Variants in TRAPPC9 observed in about 807,000 individuals in gnomAD.
TRAPPC9 encodes IKK2 binding protein.
A neutral mutation model predicts 124.0 loss-of-function variants in TRAPPC9; 83 were observed. That is an observed-to-expected ratio of 0.67 (90% CI 0.56 to 0.80). The LOEUF (loss-of-function observed/expected upper bound fraction) is 0.80. Among genes scored for constraint, TRAPPC9 ranks in the 30% least tolerant of loss-of-function variants. The pLI, the probability that TRAPPC9 is intolerant of heterozygous loss-of-function variation, is 0.00. For missense variants in TRAPPC9, 1,302 were observed against 1,508.3 expected (o/e 0.86, Z 2.27); for synonymous variants, 638 against 617.5 (o/e 1.03, Z -0.49).
chr8:139,887,441 C>A (rs1830085014), intron 20 of TRAPPC9, among the ~76,000 whole-genome samples: 1 of 152,124 alleles, frequency 6.6e-6, no homozygotes. Context: ...CCAGGCTGGT[C>A]TTGAACTCCT....
intron 8 of TRAPPC9, among the ~76,000 whole-genome samples, chr8:140,362,874 A>G (rs140209894): frequency 0.023 from 3,531 of 152,312 alleles, 61 homozygotes; most frequent in Non-Finnish European, 0.038. Flanking sequence ...AAAAATAGAT[A>G]ATGATCCAGT....
At chr8:140,006,092 T>C (rs1233518088) in intron 18 of TRAPPC9, among the ~76,000 whole-genome samples, 1 of 152,100 alleles carries the variant, frequency 6.6e-6, no homozygotes, top group Non-Finnish European at 1.5e-5. Context: ...GGGACAAAGG[T>C]GACAAGCCTG....
chr8:140,358,651 A>T (rs988780529), intron 9 of TRAPPC9, among the ~76,000 whole-genome samples: 5 of 152,228 alleles, frequency 3.3e-5, no homozygotes, highest in Admixed American at 3.3e-4. Flanking sequence ...TGCTTTTAGA[A>T]ATGTGAAAAC....
Position 139,976,277 on chromosome 8 carries a change from A to C in TRAPPC9, c.2810+12449T>G, listed in dbSNP as rs187670628. 3.8e-3 allele frequency among the ~76,000 whole-genome samples: 585 copies of C among 152,290 alleles called. 5 individuals carry two copies. Among genetic ancestry groups the C allele is most frequent in the African/African-American group, 0.013 (528 of 41,562 alleles). ...CTTTCACCTCACACCCGACACAAAA[A>C]ATTAGCTCAAAAGGATTATGGACAT... On this transcript the variant is annotated intron_variant, in intron 19 of 22. Coordinates refer to ENST00000438773, the MANE Select transcript of TRAPPC9 (RefSeq NM_001160372.4).
At chr8:139,762,214 G>A (rs115827672) in intron 21 of TRAPPC9, among the ~76,000 whole-genome samples, 132 of 151,998 alleles carry the variant, frequency 8.7e-4, no homozygotes, top group African/African-American at 2.9e-3. Flanking sequence ...TCTAACGCAA[G>A]CAGAGCGGCC....
intron 20 of TRAPPC9, among the ~76,000 whole-genome samples, chr8:139,892,293 C>G (rs1166041639): frequency 1.3e-5 from 2 of 152,188 alleles, no homozygotes; most frequent in African/African-American, 4.8e-5. Context: ...CCAGGCCCCT[C>G]CTAGGAGAAG....
chr8:139,812,043 A>C (rs970436374), intron 21 of TRAPPC9, among the ~76,000 whole-genome samples: 1 of 152,180 alleles, frequency 6.6e-6, no homozygotes, highest in African/African-American at 2.4e-5. Context: ...ATCAGGCCAC[A>C]TGGAAGCAGG....
chr8:139,794,355 ACATCTCAAATTACCACCC>A (rs1419804176), intron 21 of TRAPPC9, among the ~76,000 whole-genome samples: 1 of 152,198 alleles, frequency 6.6e-6, no homozygotes, highest in Non-Finnish European at 1.5e-5. Context: ...TCGCCTGCAG[ACATCTCAAATTACCACCC>A]CATCTCAGGC....
At chr8:140,209,901 G>A (rs532021250) in intron 17 of TRAPPC9, among the ~76,000 whole-genome samples, 5 of 152,344 alleles carry the variant, frequency 3.3e-5, no homozygotes, top group East Asian at 1.9e-4. Flanking sequence ...CGGAAACAGC[G>A]TGAACTTTGG....
chr8:140,311,301 G>A lies in TRAPPC9; in HGVS notation c.1569C>T (p.Leu523=). ...CCGGTGGCAGGGTGAGGCCGCCAGG[G>A]AGGGCGATGGGCTCCATGGTCCCAG... The part of the protein sequence containing the change: ...KCPGTMEPIA[L]PGGLTLPPVP... Residue 523 remains leucine (L), a synonymous_variant, in exon 10 of 23, where the codon CTC becomes CTT. Coordinates refer to ENST00000438773, the MANE Select transcript of TRAPPC9 (RefSeq NM_001160372.4). 1 of 1,613,822 alleles carries A rather than the reference G, an allele frequency of 6.2e-7. No homozygotes were observed. The highest frequency in any genetic ancestry group is 8.5e-7 in the Non-Finnish European group (1 of 1,180,036).
At chr8:140,266,648 G>C (rs2064668968) in intron 15 of TRAPPC9, among the ~76,000 whole-genome samples, 1 of 152,044 alleles carries the variant, frequency 6.6e-6, no homozygotes, top group Non-Finnish European at 1.5e-5. Flanking sequence ...TACGAGGTCA[G>C]GAGACAGAGA....
intron 17 of TRAPPC9, among the ~76,000 whole-genome samples, chr8:140,091,415 C>A (rs1299594548): frequency 6.6e-6 from 1 of 152,212 alleles, no homozygotes; most frequent in African/African-American, 2.4e-5. Context: ...GTCTCCGTTT[C>A]ATGCTCTGGG....
intron 21 of TRAPPC9, among the ~76,000 whole-genome samples, chr8:139,741,216 C>A (rs1434227712): frequency 4.6e-5 from 7 of 152,212 alleles, no homozygotes; most frequent in Admixed American, 4.6e-4. Flanking sequence ...CTCCCCTGGG[C>A]GTGGCACTCC....
intron 19 of TRAPPC9, among the ~76,000 whole-genome samples, chr8:139,918,429 A>G (rs572213897): frequency 6.6e-6 from 1 of 152,288 alleles, no homozygotes; most frequent in South Asian, 2.1e-4. Context: ...GCTTACGGAG[A>G]TCCTATATCA....
intron 21 of TRAPPC9, among the ~76,000 whole-genome samples, chr8:139,833,624 G>C (rs544651580): frequency 6.6e-6 from 1 of 152,346 alleles, no homozygotes; most frequent in South Asian, 2.1e-4. Flanking sequence ...TCACAGGCAG[G>C]GCACTGTGCT....
At chr8:140,185,308 A>T (rs1013247131) in intron 17 of TRAPPC9, among the ~76,000 whole-genome samples, 2 of 152,208 alleles carry the variant, frequency 1.3e-5, no homozygotes, top group Non-Finnish European at 2.9e-5. Context: ...TCGGCACGGC[A>T]GGGAATGCTG....
At chr8:139,748,695 T>A (rs1439860231) in intron 21 of TRAPPC9, among the ~76,000 whole-genome samples, 1 of 151,966 alleles carries the variant, frequency 6.6e-6, no homozygotes, top group Non-Finnish European at 1.5e-5. Flanking sequence ...TAGCGCAGCC[T>A]CTCCTCCCTG....
intron 19 of TRAPPC9, among the ~76,000 whole-genome samples, chr8:139,922,171 G>C (rs1832552310): frequency 1.3e-5 from 2 of 148,822 alleles, no homozygotes; most frequent in African/African-American, 5.0e-5. Flanking sequence ...GTTGATCTTT[G>C]AAATGGTTTG....
chr8:140,251,581 T>C (rs1050667369), intron 16 of TRAPPC9, among the ~76,000 whole-genome samples: 5 of 152,242 alleles, frequency 3.3e-5, no homozygotes, highest in African/African-American at 4.8e-5. Flanking sequence ...GCAAACTCTA[T>C]GGAGGGCGTC....
Sources: gnomAD v4.1 joint callset for allele counts (sites outside exome capture counted in the v4.1 genomes callset) on GRCh38, gnomAD v4.1.1 for gene constraint, MANE v1.5 for transcripts, NCBI Gene and HGNC (gene_info 2026-07-23, HGNC 2026-07-21) for gene names.